WDR64: variants seen among roughly 807,000 people sequenced by gnomAD.
WDR64 encodes the protein WD repeat domain 64, also known as WD repeat-containing protein 64.
Under a neutral mutation model 139.3 loss-of-function variants are expected in WDR64, and 112 were observed. That is an observed-to-expected ratio of 0.80 (90% CI 0.69 to 0.94). The LOEUF (loss-of-function observed/expected upper bound fraction) is 0.94, where lower values mean the gene tolerates loss of function less well. Among genes scored for constraint, WDR64 ranks in the 40% least tolerant of loss-of-function variants. The pLI is 0.00. For synonymous variants in WDR64, 444 were observed against 437.7 expected, an observed-to-expected ratio of 1.01 and a Z score of -0.18; for missense variants, 1,206 against 1,293.1, an observed-to-expected ratio of 0.93 and a Z score of 1.03.
rs757138613 is a variant in WDR64 at position 241,676,559 on chromosome 1, T to C, written c.484-1628T>C. Among the ~76,000 whole-genome samples, 16 of 152,298 alleles carry C rather than the reference T, an allele frequency of 1.1e-4. 1 individual carries two copies. The highest frequency in any genetic ancestry group is 3.4e-3 in the Middle Eastern group (1 of 294). On this transcript the variant is annotated intron_variant, in intron 4 of 27. Transcript: ENST00000437684. ...AGGAGAAGGAAAATAATTATGTGCA[T>C]ACTAAAACATTCAGAATGATGTGAA...
Position 241,711,898 on chromosome 1 carries a change from C to T in WDR64, c.1054+17C>T. 1 of 1,613,330 alleles carries T rather than the reference C, an allele frequency of 6.2e-7. No individual in the cohort carries two copies. The highest frequency in any genetic ancestry group is 8.5e-7 in the Non-Finnish European group (1 of 1,179,346). ...TCACTGGAGGTGAGAGGGCGGTTCA[C>T]ATTACATAGGGGTTTTCTACTTTGC... On this transcript the variant is annotated intron_variant, in intron 9 of 27. Coordinates refer to ENST00000437684, the MANE Select transcript of WDR64 (RefSeq NM_001367482.1).
chr1:241,754,288 C>T (rs575615399), intron 14 of WDR64, among the ~76,000 whole-genome samples: 6 of 149,216 alleles, frequency 4.0e-5, no homozygotes, highest in African/African-American at 7.4e-5. Flanking sequence ...ATGTGCAGAA[C>T]GTGCAGGGTT....
Position 241,771,621 on chromosome 1 carries a change from A to G in WDR64, c.2254-40A>G, listed in dbSNP as rs561335117. ...ACCCAGTATATCTCATTTTCTTACA[A>G]TGTCATGGAAGTCTTTTCTCTTTTC... On this transcript the variant is annotated intron_variant, in intron 18 of 27. Transcript: ENST00000437684. The G allele has an allele frequency of 4.2e-6, 6 of 1,432,506 alleles. No individual in the cohort carries two copies. The South Asian group carries it at 7.8e-5, about 19-fold the overall frequency. The allele number at this position is 1,432,506 out of a possible 1,614,324, so 88.7% of individuals were successfully genotyped here. A position where few individuals can be genotyped will look rare whatever the true frequency, so the allele number is the denominator to read the frequency against.
At chr1:241,770,729 C>T in intron 18 of WDR64, 39 bp downstream of exon 18, 1 of 1,538,038 alleles carries the variant, frequency 6.5e-7, no homozygotes, top group Non-Finnish European at 8.8e-7. Flanking sequence ...TCCTGTCATA[C>T]TCAATGTTGG....
At chr1:241,731,196 A>G (rs571911003) in intron 10 of WDR64, among the ~76,000 whole-genome samples, 177 of 152,272 alleles carry the variant, frequency 1.2e-3, no homozygotes, top group African/African-American at 4.0e-3. Flanking sequence ...TCACAAACAG[A>G]ATACTATTCA....
intron 23 of WDR64, among the ~76,000 whole-genome samples, chr1:241,784,672 T>C (rs1658965914): frequency 1.3e-5 from 2 of 152,156 alleles, no homozygotes; most frequent in South Asian, 4.1e-4. Context: ...AAAGGACATC[T>C]GGGCTGGGTG....
intron 11 of WDR64, among the ~76,000 whole-genome samples, chr1:241,741,045 C>G (rs7417318): frequency 0.12 from 17,718 of 152,108 alleles, 3,491 homozygotes; most frequent in African/African-American, 0.41. Context: ...TTTAATAAGA[C>G]CATGTTTACA....
At position 241,738,429 on chromosome 1, in the gene WDR64, C is replaced by A; in HGVS notation, c.1261C>A (p.Pro421Thr). The change falls in exon 11 of 28, where the codon CCA becomes ACA. Residue 421 changes from proline to threonine, a missense_variant. Physicochemically the swap from Pro to Thr is conservative, Grantham distance 38 (BLOSUM62 -1). Transcript: ENST00000437684. ...AGTCTTCCATGACAGCCAGGGAGGA[C>A]CAGGAGACATGCAGATTTACTCTAT... ...LQVFHDSQGG[P>T]GDMQIYSMIY... The A allele has an allele frequency of 1.2e-6, 2 of 1,613,750 alleles. No individual in the cohort carries two copies. Among genetic ancestry groups the A allele is most frequent in the African/African-American group, 2.7e-5 (2 of 74,984 alleles).
In WDR64 at chr1:241,707,289, T is replaced by C. The variant is rs149606632; in HGVS notation, c.975-4513T>C. Among the ~76,000 whole-genome samples the C allele has an allele frequency of 3.2e-3, 481 of 152,320 alleles. 1 individual carries two copies. Among genetic ancestry groups the C allele is most frequent in the African/African-American group, 0.011 (449 of 41,580 alleles). On this transcript the variant is annotated intron_variant, in intron 8 of 27. Coordinates refer to ENST00000437684, the MANE Select transcript of WDR64 (RefSeq NM_001367482.1). The stretch of plus-strand genomic sequence containing the variant: ...GACCCACTGAGTAAGCCCTAAAAAC[T>C]CTACTTCCTTCATAGGCTTTGCTGC...
Position 241,749,701 on chromosome 1 carries a change from C to A in WDR64, c.1749C>A (p.Asn583Lys), listed in dbSNP as rs778173273. Residue 583 changes from asparagine to lysine, a missense_variant, in exon 14 of 28, where the codon AAC becomes AAA. By Grantham distance (94) the Asn-to-Lys change is moderately conservative (BLOSUM62 0). Coordinates refer to ENST00000437684, the MANE Select transcript of WDR64 (RefSeq NM_001367482.1). The part of the protein sequence containing the change: ...HQQLVLALER[N>K]GTIKMIQGKE... ...AGCTGGTCCTGGCCTTGGAGCGCAA[C>A]GGGACTATCAAAATGATCCAGGTTT... is the stretch of plus-strand genomic sequence containing the variant. 6.8e-6 allele frequency: 11 copies of A among 1,613,876 alleles called. No individual in the cohort carries two copies. Among genetic ancestry groups the A allele is most frequent in the African/African-American group, 5.3e-5 (4 of 74,884 alleles).
chr1:241,782,817 C>T (rs1574093948), intron 22 of WDR64, among the ~76,000 whole-genome samples: 1 of 152,266 alleles, frequency 6.6e-6, no homozygotes, highest in East Asian at 1.9e-4. Flanking sequence ...AACAAAACAG[C>T]CAGTTCTATC....
chr1:241,733,119 G>A (rs909897967), intron 10 of WDR64, among the ~76,000 whole-genome samples: 5 of 152,024 alleles, frequency 3.3e-5, no homozygotes, highest in African/African-American at 9.7e-5. Flanking sequence ...CAACCTTATA[G>A]TTGAATGTTT....
rs764415019 is a variant in WDR64 at position 241,783,296 on chromosome 1, C to A, written c.2620C>A (p.Arg874Ser). 6.8e-6 allele frequency: 11 copies of A among 1,613,748 alleles called. No homozygotes were observed. The highest frequency in any genetic ancestry group is 7.6e-6 in the Non-Finnish European group (9 of 1,179,942). Residue 874 changes from arginine (R) to serine (S), a missense_variant, in exon 23 of 28, where the codon CGT becomes AGT. Arg to Ser is a moderately radical substitution (Grantham distance 110). Coordinates refer to ENST00000437684, the MANE Select transcript of WDR64 (RefSeq NM_001367482.1). ...GAAATTCAAGCAGCTGCTTTCCTGGCGTGCTCATTCTTTGGAAATTATTCA... is the reference window on the plus strand; with the variant it reads ...GAAATTCAAGCAGCTGCTTTCCTGGAGTGCTCATTCTTTGGAAATTATTCA... ...EKKFKQLLSW[R>S]AHSLEIIQVI...
At chr1:241,683,836 A>G (rs1306672687) in intron 7 of WDR64, 135 bp downstream of exon 7, 5 of 690,322 alleles carry the variant, frequency 7.2e-6, no homozygotes, top group South Asian at 7.1e-5. Flanking sequence ...AGTAATATAA[A>G]CAATTAATTA....
At chr1:241,690,124 C>CA (rs1241790748) in intron 8 of WDR64, among the ~76,000 whole-genome samples, 1 of 151,842 alleles carries the variant, frequency 6.6e-6, no homozygotes, top group Non-Finnish European at 1.5e-5. Context: ...GGATAAATGC[C>CA]AAAAAATAAC....
At position 241,783,504 on chromosome 1, in the gene WDR64, G is replaced by GTAAA; in HGVS notation, c.2705+126_2705+129dup. ...TTGGTAAACTGATTTAAATAAATAAGTAAATAGATGACACAAAAGGACTTT... is the reference window on the plus strand; with the variant it reads ...TTGGTAAACTGATTTAAATAAATAAGTAAATAAATAGATGACACAAAAGGACTTT... On this transcript the variant is annotated intron_variant, in intron 23 of 27. Transcript: ENST00000437684. The GTAAA allele has an allele frequency of 5.8e-6, 4 of 683,906 alleles. No homozygotes were observed. In the South Asian group the frequency reaches 8.9e-5, roughly 15 times the overall value. 42.4% of individuals were successfully genotyped at this position (683,906 alleles called of 1,614,324 possible).
At chr1:241,715,166 G>A (rs1278986565) in intron 9 of WDR64, among the ~76,000 whole-genome samples, 1 of 152,182 alleles carries the variant, frequency 6.6e-6, no homozygotes, top group African/African-American at 2.4e-5. Flanking sequence ...TGGGTAGGGA[G>A]CAAGTTTCTT....
intron 15 of WDR64, among the ~76,000 whole-genome samples, chr1:241,765,612 A>T (rs59039235): frequency 0.013 from 1,998 of 152,126 alleles, 46 homozygotes; most frequent in African/African-American, 0.046. Flanking sequence ...TTTAAATGTC[A>T]CTCTTCTATG....
chr1:241,760,331 A>G (rs1670376347), intron 15 of WDR64, among the ~76,000 whole-genome samples: 1 of 147,284 alleles, frequency 6.8e-6, no homozygotes, highest in Non-Finnish European at 1.5e-5. Flanking sequence ...ACAAATAGCC[A>G]TATATATATA....
Sources: allele counts gnomAD v4.1 joint callset (sites outside exome capture counted in the v4.1 genomes callset), GRCh38; gene constraint gnomAD v4.1.1; transcripts MANE v1.5; gene names NCBI Gene and HGNC (gene_info 2026-07-23, HGNC 2026-07-21).